Variants in CSMD3 observed in about 807,000 individuals in gnomAD.
CSMD3 encodes CUB and sushi domain-containing protein 3.
Under a neutral mutation model 435.2 loss-of-function variants are expected in CSMD3, and 177 were observed. The observed-to-expected ratio is 0.41, with a 90% confidence interval of 0.36 to 0.46. The LOEUF is 0.46. CSMD3 is among the 20% of genes least tolerant of loss of function. The pLI, the probability that CSMD3 is intolerant of heterozygous loss-of-function variation, is 0.34. For synonymous variants in CSMD3, 1,656 were observed against 1,520.5 expected, an observed-to-expected ratio of 1.09 and a Z score of -2.07; for missense variants, 4,265 against 4,504.6, an observed-to-expected ratio of 0.95 and a Z score of 1.52.
chr8:112,337,790 G>A (rs2130968442), intron 42 of CSMD3, 59 bp from the exon 43 acceptor site: 1 of 1,329,228 alleles, frequency 7.5e-7, no homozygotes, highest in Non-Finnish European at 1.1e-6. Context: ...CCACAGATAG[G>A]GTACTACAGC....
chr8:112,888,287 C>T (rs572895992), intron 10 of CSMD3, among the ~76,000 whole-genome samples: 3 of 151,648 alleles, frequency 2.0e-5, no homozygotes, highest in African/African-American at 4.8e-5. Flanking sequence ...TCCTCAAGCA[C>T]GGATAATCGA....
intron 22 of CSMD3, among the ~76,000 whole-genome samples, chr8:112,609,164 T>TGTACTCCA (rs368060899): frequency 3.9e-4 from 45 of 116,566 alleles, no homozygotes; most frequent in African/African-American, 1.4e-3. Context: ...GACGCACCAC[T>TGTACTCCA]GTACTCCAGC....
intron 32 of CSMD3, among the ~76,000 whole-genome samples, chr8:112,435,948 T>C (rs1444415944): frequency 2.0e-5 from 3 of 151,992 alleles, no homozygotes; most frequent in Non-Finnish European, 4.4e-5. Context: ...GCATGAAAAT[T>C]ATATTTACAC....
At chr8:112,344,079 T>C (rs982872912) in intron 41 of CSMD3, among the ~76,000 whole-genome samples, 2 of 152,004 alleles carry the variant, frequency 1.3e-5, no homozygotes, top group Non-Finnish European at 2.9e-5. Context: ...AGATGAGGTT[T>C]CACCATGTTA....
chr8:112,967,098 A>G (rs1284526626), intron 7 of CSMD3, among the ~76,000 whole-genome samples: 1 of 151,864 alleles, frequency 6.6e-6, no homozygotes, highest in Non-Finnish European at 1.5e-5. Context: ...TCAAGTCATG[A>G]TCTGCATTTG....
chr8:113,069,913 C>G (rs973802320), intron 5 of CSMD3, among the ~76,000 whole-genome samples: 4 of 152,110 alleles, frequency 2.6e-5, no homozygotes, highest in African/African-American at 9.7e-5. Flanking sequence ...TGGGTCACTA[C>G]TTAAAAGGCA....
At chr8:112,573,790 A>G in intron 23 of CSMD3, 133 bp from the exon 24 acceptor site, 1 of 685,192 alleles carries the variant, frequency 1.5e-6, no homozygotes, top group South Asian at 1.9e-5. Context: ...AGGGCAACTA[A>G]ATATATTGGT....
chr8:112,295,690 A>G (rs1303540050), intron 54 of CSMD3, 143 bp downstream of exon 54: 11 of 675,974 alleles, frequency 1.6e-5, no homozygotes, highest in Non-Finnish European at 5.2e-6. Context: ...AGACTTTTGC[A>G]TAGCAGTATC....
intron 50 of CSMD3, 127 bp downstream of exon 50, chr8:112,310,851 T>C: frequency 1.3e-6 from 1 of 782,080 alleles, no homozygotes; most frequent in South Asian, 1.5e-5. Context: ...CTTGTTTTTA[T>C]GAAAAGAGTT....
chr8:113,264,156 G>A (rs1415386221), intron 3 of CSMD3, among the ~76,000 whole-genome samples: 3 of 151,162 alleles, frequency 2.0e-5, no homozygotes, highest in Non-Finnish European at 4.4e-5. Context: ...ACTAAGTTTT[G>A]GGAAGGGGAA....
chr8:112,753,523 C>T (rs2077621742), intron 13 of CSMD3, among the ~76,000 whole-genome samples: 1 of 152,094 alleles, frequency 6.6e-6, no homozygotes, highest in Non-Finnish European at 1.5e-5. Flanking sequence ...AAGAGAAGGC[C>T]TCATTGTAAA....
At chr8:113,070,406 C>A (rs1283110397) in intron 5 of CSMD3, among the ~76,000 whole-genome samples, 1 of 151,806 alleles carries the variant, frequency 6.6e-6, no homozygotes, top group Non-Finnish European at 1.5e-5. Context: ...TGCCATAATC[C>A]TGGTAGAATT....
chr8:112,694,859 A>G (rs550899494), intron 13 of CSMD3, among the ~76,000 whole-genome samples: 1 of 152,296 alleles, frequency 6.6e-6, no homozygotes, highest in East Asian at 1.9e-4. Context: ...GAACAGCTCC[A>G]GTCTACAGCT....
intron 1 of CSMD3, among the ~76,000 whole-genome samples, chr8:113,375,514 TACACAC>T (rs3221516): frequency 5.8e-5 from 4 of 69,224 alleles, no homozygotes; most frequent in Non-Finnish European, 1.7e-4. Context: ...GACTATTTAA[TACACAC>T]ACACACACAC....
intron 22 of CSMD3, among the ~76,000 whole-genome samples, chr8:112,623,869 C>T (rs1834274133): frequency 6.6e-6 from 1 of 151,940 alleles, no homozygotes; most frequent in African/African-American, 2.4e-5. Context: ...GTTACTTAAA[C>T]TCAGTTTGGT....
chr8:112,740,675 T>C (rs1019766151), intron 13 of CSMD3, among the ~76,000 whole-genome samples: 4 of 151,906 alleles, frequency 2.6e-5, no homozygotes, highest in African/African-American at 9.7e-5. Flanking sequence ...AGGTAGGGGT[T>C]ACCCAAGAAA....
At chr8:112,967,955 G>C (rs2084486463) in intron 7 of CSMD3, among the ~76,000 whole-genome samples, 2 of 151,820 alleles carry the variant, frequency 1.3e-5, no homozygotes, top group Non-Finnish European at 2.9e-5. Flanking sequence ...TAAATACATA[G>C]TAGAATGTGG....
At chr8:113,143,141 T>C (rs1422577540) in intron 4 of CSMD3, among the ~76,000 whole-genome samples, 1 of 150,936 alleles carries the variant, frequency 6.6e-6, no homozygotes, top group Non-Finnish European at 1.5e-5. Flanking sequence ...ACAATCCAAT[T>C]TGAAAATGGC....
At chr8:113,226,347 A>G (rs1442876291) in intron 3 of CSMD3, among the ~76,000 whole-genome samples, 1 of 151,626 alleles carries the variant, frequency 6.6e-6, no homozygotes, top group Non-Finnish European at 1.5e-5. Flanking sequence ...GCTATGACTA[A>G]TTAATATGGC....
Sources: gnomAD v4.1 joint callset for allele counts (sites outside exome capture counted in the v4.1 genomes callset) on GRCh38, gnomAD v4.1.1 for gene constraint, MANE v1.5 for transcripts, NCBI Gene and HGNC (gene_info 2026-07-23, HGNC 2026-07-21) for gene names.